Variants in HYDIN observed in about 807,000 individuals in gnomAD.
HYDIN encodes the protein HYDIN axonemal central pair apparatus protein.
In HYDIN, 132 loss-of-function variants were observed where a neutral mutation model predicts 403.9. The ratio of observed to expected loss-of-function variants is 0.33; its 90% CI spans 0.28 to 0.38. The LOEUF is 0.38. Ranked by LOEUF, HYDIN falls within the 10% of genes least tolerant of loss-of-function variation. HYDIN has a pLI of 1.00. For missense variants in HYDIN, 2,827 were observed against 5,009.5 expected (o/e 0.56, Z 13.15); for synonymous variants, 1,202 against 1,891.7 (o/e 0.64, Z 9.46).
chr16:70,923,146 A>G (rs1049948354), intron 45 of HYDIN, among the ~76,000 whole-genome samples: 1 of 147,692 alleles, frequency 6.8e-6, no homozygotes, highest in African/African-American at 2.5e-5. Context: ...AGAAGTTAGA[A>G]AAAGAACGGA....
At chr16:70,865,875 C>T (rs553111620) in intron 67 of HYDIN, among the ~76,000 whole-genome samples, 68 of 151,800 alleles carry the variant, frequency 4.5e-4, no homozygotes, top group African/African-American at 1.6e-3. Flanking sequence ...AAGAACAGAT[C>T]CTGGGTGGCT....
At chr16:71,172,093 T>C (rs1358806509) in intron 5 of HYDIN, among the ~76,000 whole-genome samples, 1 of 152,238 alleles carries the variant, frequency 6.6e-6, no homozygotes, top group Non-Finnish European at 1.5e-5. Context: ...TTTATTATTA[T>C]TGTATACATA....
intron 45 of HYDIN, among the ~76,000 whole-genome samples, chr16:70,931,692 A>C (rs1286329174): frequency 2.6e-5 from 4 of 152,208 alleles, no homozygotes; most frequent in Non-Finnish European, 5.9e-5. Flanking sequence ...GCAGTAGGCT[A>C]TTAGATGGAA....
rs780125671 is a variant in HYDIN, at chr16:70,889,746, G to A, written c.9657-42C>T. Reference sequence around the variant, plus strand: ...GAGTATACCCTTAGATTGTGGGGTCGGGGGTAACATTAGACACCACCTGTC... The same window carrying A: ...GAGTATACCCTTAGATTGTGGGGTCAGGGGTAACATTAGACACCACCTGTC... On this transcript the variant is annotated intron_variant, in intron 57 of 85. Transcript: ENST00000393567. 7.6e-5 allele frequency: 48 copies of A among 634,694 alleles called. No homozygotes were observed. In the South Asian group the frequency reaches 7.8e-4, roughly 10 times the overall value. The allele number at this position is 634,694 out of a possible 1,614,324, so 39.3% of individuals were successfully genotyped here. A position where few individuals can be genotyped will look rare whatever the true frequency, so the allele number is the denominator to read the frequency against.
At chr16:70,958,568 G>T (rs888528756) in intron 39 of HYDIN, among the ~76,000 whole-genome samples, 2 of 151,920 alleles carry the variant, frequency 1.3e-5, no homozygotes, top group African/African-American at 4.8e-5. Context: ...GTTTGTGTAG[G>T]GGGTCTTCAA....
At chr16:70,811,645 A>T (rs567369284) in intron 84 of HYDIN, among the ~76,000 whole-genome samples, 2 of 150,148 alleles carry the variant, frequency 1.3e-5, no homozygotes, top group Non-Finnish European at 3.0e-5. Context: ...ATCACCTGAG[A>T]TTGGGAGTTT....
intron 24 of HYDIN, 108 bp downstream of exon 24, chr16:70,991,962 G>A: frequency 1.3e-6 from 2 of 1,561,930 alleles, no homozygotes; most frequent in Non-Finnish European, 1.7e-6. Context: ...TTAAACTGTT[G>A]ACTGGGTACT....
At chr16:71,073,636 T>A (rs1248284255) in intron 13 of HYDIN, among the ~76,000 whole-genome samples, 1 of 152,162 alleles carries the variant, frequency 6.6e-6, no homozygotes, top group Non-Finnish European at 1.5e-5. Flanking sequence ...AATAAATGCT[T>A]GGAGGTTTTC....
rs763408158 is a variant in HYDIN at position 70,908,733 on chromosome 16, T to C, written c.8133A>G (p.Glu2711=). The C allele has an allele frequency of 6.2e-7, 1 of 1,613,996 alleles. No individual in the cohort carries two copies. The highest frequency in any genetic ancestry group is 1.7e-5 in the Admixed American group (1 of 60,008). Residue 2711 remains glutamate (E), a synonymous_variant, in exon 48 of 86, where the codon GAA becomes GAG. Coordinates refer to ENST00000393567, the MANE Select transcript of HYDIN (RefSeq NM_001270974.2). ...MALNRKVLSG[E]PAGTISQLSD... ...ACAGCTGGGAAATGGTTCCAGCAGG[T>C]TCCCCAGAAAGGACCTTCCTGTTTA...
intron 69 of HYDIN, 97 bp downstream of exon 69, chr16:70,861,951 A>G: frequency 8.3e-7 from 1 of 1,211,482 alleles, no homozygotes; most frequent in Non-Finnish European, 1.1e-6. Flanking sequence ...ATCTAGGGCC[A>G]GAAAGGATGG....
chr16:71,179,468 G>A (rs1198776616), intron 3 of HYDIN, among the ~76,000 whole-genome samples: 1 of 152,082 alleles, frequency 6.6e-6, no homozygotes, highest in East Asian at 1.9e-4. Context: ...AACTTCTAAA[G>A]GAAATACCAA....
At position 70,804,230 on chromosome 16, in the gene HYDIN, C is replaced by T. The variant is rs899892805; in HGVS notation, c.*3350G>A. Among the ~76,000 whole-genome samples, 8 of 152,212 alleles carry T rather than the reference C, an allele frequency of 5.3e-5. No individual in the cohort carries two copies. The highest frequency in any genetic ancestry group is 8.8e-5 in the Non-Finnish European group (6 of 68,040). ...TCTTGGTCCCAGGGAGAAGGAACTT[C>T]CTCCTCTCTCAGGGGCTAGGAGGAT... On this transcript the variant is annotated 3_prime_UTR_variant, in exon 86 of 86. Transcript: ENST00000393567.
intron 84 of HYDIN, chr16:70,811,392 A>G (rs1364946844): frequency 6.5e-6 from 1 of 153,824 alleles, no homozygotes; most frequent in Non-Finnish European, 1.5e-5. Flanking sequence ...AGCTATGATC[A>G]TACCACTGCA....
intron 80 of HYDIN, among the ~76,000 whole-genome samples, chr16:70,831,037 G>A (rs2143504094): frequency 6.6e-6 from 1 of 150,924 alleles, no homozygotes; most frequent in African/African-American, 2.4e-5. Context: ...GAGCTCAAGC[G>A]ATCCTCCTGC....
At chr16:70,822,595 CAT>C (rs973264301) in intron 83 of HYDIN, among the ~76,000 whole-genome samples, 2 of 152,208 alleles carry the variant, frequency 1.3e-5, no homozygotes, top group African/African-American at 2.4e-5. Context: ...AACAGCATCA[CAT>C]GTTACAGAGT....
chr16:71,213,537 C>T (rs1432087279), intron 1 of HYDIN, among the ~76,000 whole-genome samples: 1 of 151,900 alleles, frequency 6.6e-6, no homozygotes, highest in East Asian at 1.9e-4. Flanking sequence ...AGTGACAATG[C>T]CCAAACTAGA....
At chr16:71,034,754 A>C (rs1284072454) in intron 18 of HYDIN, among the ~76,000 whole-genome samples, 2 of 150,640 alleles carry the variant, frequency 1.3e-5, no homozygotes, top group Non-Finnish European at 3.0e-5. Flanking sequence ...ATTGTATATA[A>C]ATGAGGATGC....
intron 39 of HYDIN, chr16:70,959,402 A>G: frequency 1.0e-5 from 2 of 199,806 alleles, no homozygotes; most frequent in Admixed American, 6.2e-5. Flanking sequence ...TCTCATGACT[A>G]CCCTATAAAA....
chr16:71,190,635 G>A (rs2087389261), intron 1 of HYDIN, among the ~76,000 whole-genome samples: 1 of 152,108 alleles, frequency 6.6e-6, no homozygotes, highest in South Asian at 2.1e-4. Flanking sequence ...TGAAATGAAG[G>A]ATCTTCAGTG....
Sources: allele counts gnomAD v4.1 joint callset (sites outside exome capture counted in the v4.1 genomes callset), GRCh38; gene constraint gnomAD v4.1.1; transcripts MANE v1.5; gene names NCBI Gene and HGNC (gene_info 2026-07-23, HGNC 2026-07-21).